The following ZBTB38 variants were observed in gnomAD, a reference collection of about 807,000 sequenced individuals.
ZBTB38 encodes zinc finger and BTB domain-containing protein 38.
ZBTB38 carries 20 observed loss-of-function variants against 76.8 expected under a neutral mutation model. That is an observed-to-expected ratio of 0.26 (90% CI 0.18 to 0.38). The LOEUF (loss-of-function observed/expected upper bound fraction) is 0.38, where lower values mean the gene tolerates loss of function less well. Among genes scored for constraint, ZBTB38 ranks in the 10% least tolerant of loss-of-function variants. The probability of loss-of-function intolerance (pLI) is 1.00; values close to 1 mark genes in which losing one functional copy is unlikely to be tolerated. For missense variants in ZBTB38, 1,082 were observed against 1,482.3 expected, an observed-to-expected ratio of 0.73 and a Z score of 4.43; for synonymous variants, 504 against 544.2, an observed-to-expected ratio of 0.93 and a Z score of 1.03.
At chr3:141,372,222 A>T (rs142447152) in intron 2 of ZBTB38, among the ~76,000 whole-genome samples, 1 of 152,336 alleles carries the variant, frequency 6.6e-6, no homozygotes, top group East Asian at 1.9e-4. Context: ...GCTGAGGAGG[A>T]ATGGAATAGA....
intron 1 of ZBTB38, among the ~76,000 whole-genome samples, chr3:141,362,981 T>C (rs1329288491): frequency 6.6e-6 from 1 of 151,168 alleles, no homozygotes; most frequent in Non-Finnish European, 1.5e-5. Context: ...ACCCATGAGG[T>C]GGTATTAGTA....
At chr3:141,403,080 T>A (rs1052092060) in intron 4 of ZBTB38, 6 of 152,230 alleles carry the variant, frequency 3.9e-5, no homozygotes, top group Admixed American at 3.9e-4. Context: ...ACTTTTTTTA[T>A]AGGGTACATC....
At chr3:141,351,722 A>T (rs56175411) in intron 1 of ZBTB38, among the ~76,000 whole-genome samples, 6,700 of 49,614 alleles carry the variant, frequency 0.14, 212 homozygotes, top group African/African-American at 0.41. Flanking sequence ...TCTGTCTCTT[A>T]AAAAAAAAAA....
rs1302786111 is a variant in ZBTB38, at chr3:141,445,838, A to G, written c.3450A>G (p.Lys1150=). The change falls in exon 6 of 6, where the codon AAA becomes AAG. Residue 1150 remains lysine, a synonymous_variant. Transcript: ENST00000321464. The surrounding 1 kb of genome is among the most constrained non-coding windows in gnomAD (Gnocchi z 6.5). ...LGMHQKKHLF[K]SPSQQEKIGD... Reference sequence around the variant, plus strand: ...TGCACCAAAAGAAACACTTATTCAAAAGCCCAAGTCAGCAGGAGAAAATAG... The same window carrying G: ...TGCACCAAAAGAAACACTTATTCAAGAGCCCAAGTCAGCAGGAGAAAATAG... 6.2e-7 allele frequency: 1 copy of G among 1,614,110 alleles called. No individual in the cohort carries two copies. The highest frequency in any genetic ancestry group is 1.3e-5 in the African/African-American group (1 of 75,064).
intron 5 of ZBTB38, among the ~76,000 whole-genome samples, chr3:141,424,975 A>G (rs911111025): frequency 6.6e-6 from 1 of 152,252 alleles, no homozygotes; most frequent in African/African-American, 2.4e-5. Context: ...CTTTAAAGGT[A>G]CCACTTAGTC....
intron 2 of ZBTB38, among the ~76,000 whole-genome samples, chr3:141,377,037 C>G (rs544190936): frequency 6.6e-6 from 1 of 152,202 alleles, no homozygotes; most frequent in Non-Finnish European, 1.5e-5. Context: ...ACAGGAAGAC[C>G]CTGGCCCAGG....
rs2081071851 is a variant in ZBTB38 at position 141,446,081 on chromosome 3, AT to A, written c.*107del. On this transcript the variant is annotated 3_prime_UTR_variant, in exon 6 of 6. Coordinates refer to ENST00000321464, the MANE Select transcript of ZBTB38 (RefSeq NM_001376113.1). ...CATGTGACAGTCATGAAGGAGTGAA[AT>A]TAAAAAAAAAAAAAACTCATTTGTG... The A allele has an allele frequency of 3.2e-6, 3 of 933,708 alleles. No homozygotes were observed. The highest frequency in any genetic ancestry group is 4.4e-6 in the Non-Finnish European group (3 of 682,400). The allele number at this position is 933,708 out of a possible 1,614,324, so 57.8% of individuals were successfully genotyped here.
At chr3:141,324,216 A>G (rs998123792) in exon 1 of ZBTB38, 1 of 152,256 alleles carries the variant, frequency 6.6e-6, no homozygotes, top group Non-Finnish European at 1.5e-5. Flanking sequence ...GGTTGTCCAC[A>G]GAAGCCCTCT....
In ZBTB38 at chr3:141,444,312, C is replaced by T. The variant is rs761947773; in HGVS notation, c.1924C>T (p.Pro642Ser). The T allele has an allele frequency of 3.7e-6, 6 of 1,614,186 alleles. No homozygotes were observed. In the East Asian group the frequency reaches 6.7e-5, roughly 18 times the overall value. The change falls in exon 6 of 6, where the codon CCC (proline) becomes TCC (serine). Residue 642 changes from proline to serine, a missense_variant. Physicochemically the swap from Pro to Ser is moderately conservative, Grantham distance 74. This residue lies in a region of ZBTB38 where 471 missense variants were observed against 581.0 expected (regional missense o/e 0.81). Transcript: ENST00000321464. This position sits in a 1 kb window ranked among gnomAD's most constrained non-coding sequence, Gnocchi z 5.1. ...PLETSACQDI[P>S]TSANVQNAEG... Reference sequence around the variant, plus strand: ...GGAAACATCTGCATGTCAGGACATACCCACTTCTGCCAATGTACAAAATGC... The same window carrying T: ...GGAAACATCTGCATGTCAGGACATATCCACTTCTGCCAATGTACAAAATGC...
intron 1 of ZBTB38, among the ~76,000 whole-genome samples, chr3:141,339,620 A>G (rs1364235921): frequency 6.6e-6 from 1 of 152,228 alleles, no homozygotes; most frequent in Non-Finnish European, 1.5e-5. Context: ...TTTAAAGAAG[A>G]AAAGCAGTTA....
intron 5 of ZBTB38, among the ~76,000 whole-genome samples, chr3:141,404,711 TGAG>T (rs1953739874): frequency 6.6e-6 from 1 of 152,108 alleles, no homozygotes; most frequent in African/African-American, 2.4e-5. Context: ...CCCTATGAGG[TGAG>T]GAAGAATAGG....
chr3:141,406,934 G>A (rs888671001), intron 5 of ZBTB38, among the ~76,000 whole-genome samples: 1 of 151,874 alleles, frequency 6.6e-6, no homozygotes, highest in African/African-American at 2.4e-5. Context: ...AATATTAAGT[G>A]GTTTAATTTA....
chr3:141,346,816 G>GTGTGTGTGTGTGT (rs1553760841), intron 1 of ZBTB38, among the ~76,000 whole-genome samples: 2 of 149,142 alleles, frequency 1.3e-5, no homozygotes. Flanking sequence ...GTGTGTGTGT[G>GTGTGTGTGTGTGT]GTGCAATGCT....
chr3:141,327,939 G>A (rs1487223568), intron 1 of ZBTB38, among the ~76,000 whole-genome samples: 2 of 152,180 alleles, frequency 1.3e-5, no homozygotes, highest in African/African-American at 4.8e-5. Flanking sequence ...GAAAACCCTT[G>A]AGAAATTTTA....
chr3:141,382,199 C>T (rs1039264321), intron 3 of ZBTB38, among the ~76,000 whole-genome samples: 1 of 152,156 alleles, frequency 6.6e-6, no homozygotes, highest in African/African-American at 2.4e-5. Flanking sequence ...ACCTGGGCAA[C>T]ATAGCGAGAC....
chr3:141,370,822 G>A (rs1424717658), intron 2 of ZBTB38, among the ~76,000 whole-genome samples: 1 of 152,010 alleles, frequency 6.6e-6, no homozygotes, highest in Non-Finnish European at 1.5e-5. Flanking sequence ...CATATTAGTT[G>A]GAATTGTGAC....
chr3:141,426,338 G>A (rs1448861298), intron 5 of ZBTB38, among the ~76,000 whole-genome samples: 6 of 152,204 alleles, frequency 3.9e-5, no homozygotes, highest in African/African-American at 1.4e-4. Flanking sequence ...GGTTCCACAG[G>A]TGAGTCTGAT....
chr3:141,395,269 C>G (rs1008950748), intron 4 of ZBTB38, among the ~76,000 whole-genome samples: 1 of 152,148 alleles, frequency 6.6e-6, no homozygotes, highest in African/African-American at 2.4e-5. Flanking sequence ...CATCAGGTTA[C>G]TGCAGGTAAT....
At chr3:141,435,970 T>C (rs2078688133) in intron 5 of ZBTB38, among the ~76,000 whole-genome samples, 1 of 152,212 alleles carries the variant, frequency 6.6e-6, no homozygotes, top group South Asian at 2.1e-4. Flanking sequence ...AGTGAATTTA[T>C]TGCACAAAAC....
Sources: allele counts gnomAD v4.1 joint callset (sites outside exome capture counted in the v4.1 genomes callset), GRCh38; gene constraint gnomAD v4.1.1; regional missense constraint gnomAD v4.1.1; non-coding constraint Gnocchi (gnomAD v3.1); transcripts MANE v1.5; gene names NCBI Gene and HGNC (gene_info 2026-07-23, HGNC 2026-07-21).